The following NOD2 variants were observed in gnomAD, a reference collection of about 807,000 sequenced individuals.
NOD2 encodes nucleotide-binding oligomerization domain-containing protein 2.
NOD2 carries 86 observed loss-of-function variants against 90.9 expected under a neutral mutation model. The ratio of observed to expected loss-of-function variants is 0.95; its 90% CI spans 0.79 to 1.13. NOD2 has a LOEUF of 1.13. Ranked by LOEUF, NOD2 falls within the 50% of genes most tolerant of loss-of-function variation. The probability of loss-of-function intolerance (pLI) is 0.00; values close to 1 mark genes in which losing one functional copy is unlikely to be tolerated. For synonymous variants in NOD2, 581 were observed against 554.6 expected (o/e 1.05, Z -0.67); for missense variants, 1,238 against 1,283.8 (o/e 0.96, Z 0.55).
At position 50,731,776 on chromosome 16, in the gene NOD2, AGGT is replaced by A. The variant is rs1965464284; in HGVS notation, c.3000_3002del (p.Glu1000_Val1001delinsAsp). 1.9e-6 allele frequency: 3 copies of A among 1,613,724 alleles called. No individual in the cohort carries two copies. ...CGAGGGAACACTTTCTCTCTAGAGG[AGGT>A]TGACAAGCTCGGCTGCAGGGACACC... On this transcript the variant is annotated inframe_deletion, in exon 12 of 12. Coordinates refer to ENST00000647318, the MANE Select transcript of NOD2 (RefSeq NM_001370466.1).
At chr16:50,695,908 C>T (rs1963625023) in intron 1 of NOD2, among the ~76,000 whole-genome samples, 1 of 152,090 alleles carries the variant, frequency 6.6e-6, no homozygotes, top group Non-Finnish European at 1.5e-5. Context: ...AGGCAACAGA[C>T]AAGGGGGCCT....
rs749605438 is a variant in NOD2, at chr16:50,699,912, A to T, written c.417A>T (p.Glu139Asp). 112 of 1,611,180 alleles carry T rather than the reference A, an allele frequency of 7.0e-5. No homozygotes were observed. The highest frequency in any genetic ancestry group is 1.0e-4 in the Admixed American group (6 of 59,996). The change falls in exon 2 of 12, where the codon GAA becomes GAT. Residue 139 changes from glutamate (E) to aspartate (D), a missense_variant. By Grantham distance (45) the Glu-to-Asp change is conservative (BLOSUM62 2). Transcript: ENST00000647318. The stretch of plus-strand genomic sequence containing the variant: ...AGCGGGGTTTCGTCAGCCAGTATGA[A>T]TGTGATGAAATCAGGTTGCCGATCT... ...AWERGFVSQY[E>D]CDEIRLPIFT...
chr16:50,709,444 C>T (rs905913619), intron 3 of NOD2, among the ~76,000 whole-genome samples: 4 of 152,194 alleles, frequency 2.6e-5, no homozygotes, highest in African/African-American at 9.7e-5. Context: ...TCCCCATTTC[C>T]TGAAAGGGGA....
chr16:50,725,684 G>A (rs922773737), intron 10 of NOD2, 112 bp downstream of exon 10: 8 of 822,538 alleles, frequency 9.7e-6, no homozygotes, highest in African/African-American at 8.4e-5. Context: ...GAGGTGGCCT[G>A]GTAGAACAGC....
At chr16:50,710,043 C>T (rs1381884895) in intron 3 of NOD2, 3 of 455,844 alleles carry the variant, frequency 6.6e-6, no homozygotes, top group African/African-American at 2.0e-5. Context: ...AGACTGGGCT[C>T]CTGAGCCCTT....
At chr16:50,699,391 C>T (rs1963816217) in intron 1 of NOD2, 97 bp from the exon 2 acceptor site, 2 of 980,822 alleles carry the variant, frequency 2.0e-6, no homozygotes, top group Non-Finnish European at 3.3e-6. Flanking sequence ...CCATGGCCAA[C>T]TCGGGTTCTG....
chr16:50,717,454 G>T (rs1341560999), intron 6 of NOD2, among the ~76,000 whole-genome samples: 1 of 152,154 alleles, frequency 6.6e-6, no homozygotes, highest in Non-Finnish European at 1.5e-5. Context: ...AGTTTCAACA[G>T]GAGTCTCTCT....
chr16:50,709,022 G>A (rs980053747), intron 3 of NOD2, among the ~76,000 whole-genome samples: 1 of 152,124 alleles, frequency 6.6e-6, no homozygotes, highest in African/African-American at 2.4e-5. Flanking sequence ...GGTGACAATT[G>A]GTGTGTTTAT....
At chr16:50,709,428 A>G (rs560501293) in intron 3 of NOD2, among the ~76,000 whole-genome samples, 5 of 152,308 alleles carry the variant, frequency 3.3e-5, no homozygotes, top group African/African-American at 1.2e-4. Flanking sequence ...ACGCTAAACC[A>G]GCACTTCCCC....
chr16:50,716,465 G>A, intron 4 of NOD2, 122 bp from the exon 5 acceptor site: 2 of 970,874 alleles, frequency 2.1e-6, no homozygotes, highest in South Asian at 1.4e-5. Context: ...ATCTATGCAG[G>A]GTTTCCTGGA....
In NOD2 at chr16:50,712,057, C is replaced by G; in HGVS notation, c.2065C>G (p.Arg689Gly). The G allele has an allele frequency of 6.2e-7, 1 of 1,613,388 alleles. No individual in the cohort carries two copies. The highest frequency in any genetic ancestry group is 8.5e-7 in the Non-Finnish European group (1 of 1,179,914). ...CARWCLARSLRKHFHSIPPAA... is the reference protein window; with the variant it reads ...CARWCLARSLGKHFHSIPPAA... ...CCGCTGGTGTCTGGCCCGCAGCCTC[C>G]GCAAGCACTTCCACTCCATCCCGCC... The change falls in exon 4 of 12, where the codon CGC becomes GGC. Residue 689 changes from arginine to glycine, a missense_variant. Arg to Gly is a moderately radical substitution (Grantham distance 125). Transcript: ENST00000647318.
chr16:50,709,082 G>A lies in NOD2; in HGVS notation c.565+1122G>A, dbSNP rs143451061. Among the ~76,000 whole-genome samples the A allele has an allele frequency of 2.1e-4, 32 of 152,196 alleles. No individual in the cohort carries two copies. The East Asian group carries it at 5.8e-3, about 28-fold the overall frequency. ...TTTCTGGAGAATTTTAGTATCATTG[G>A]TGATGACTGGAAAACCTGCATCAGA... On this transcript the variant is annotated intron_variant, in intron 3 of 11. Coordinates refer to ENST00000647318, the MANE Select transcript of NOD2 (RefSeq NM_001370466.1).
rs1964424344 is a variant in NOD2, at chr16:50,710,682, G to A, written c.690G>A (p.Leu230=). ...CLEDIYTENV[L]EVWADVGMAG... ...AGGACATATACACAGAGAATGTCCT[G>A]GAGGTCTGGGCAGATGTGGGCATGG... is the stretch of plus-strand genomic sequence containing the variant. Residue 230 remains leucine (L), a synonymous_variant, in exon 4 of 12, where the codon CTG becomes CTA. Coordinates refer to ENST00000647318, the MANE Select transcript of NOD2 (RefSeq NM_001370466.1). 1.9e-6 allele frequency: 3 copies of A among 1,614,008 alleles called. No individual in the cohort carries two copies. The African/African-American group carries it at 4.0e-5, about 22-fold the overall frequency.
In NOD2 at chr16:50,700,013, G is replaced by A. The variant is rs16948755; in HGVS notation, c.459+59G>A. 2.2e-4 allele frequency: 321 copies of A among 1,489,214 alleles called. 2 individuals are homozygous for A. In the African/African-American group the frequency reaches 4.0e-3, roughly 19 times the overall value. The allele number at this position is 1,489,214 out of a possible 1,614,324, so 92.3% of individuals were successfully genotyped here. A position where few individuals can be genotyped will look rare whatever the true frequency, so the allele number is the denominator to read the frequency against. On this transcript the variant is annotated intron_variant, in intron 2 of 11. Transcript: ENST00000647318. ...CAGGAAAGGGGTGCTTAGTCACCAA[G>A]ACTGATTTGTCCTCATGAAGTCAGC...
At chr16:50,728,253 A>G in intron 10 of NOD2, 1 of 277,142 alleles carries the variant, frequency 3.6e-6, no homozygotes, top group Non-Finnish European at 7.1e-6. Flanking sequence ...ATGGCCTGCC[A>G]GTACACTCCT....
rs774177078 is a variant in NOD2 at position 50,722,594 on chromosome 16, T to C, written c.2634-28T>C. 22 of 1,605,060 alleles carry C rather than the reference T, an allele frequency of 1.4e-5. No individual in the cohort carries two copies. In the South Asian group the frequency reaches 1.8e-4, roughly 13 times the overall value. ...ACACATATCAGGTACTCACTGACAC[T>C]GTCTGTTGACTCTTTTGGCCTTTTC... On this transcript the variant is annotated intron_variant, in intron 7 of 11. Transcript: ENST00000647318.
rs374916056 is a variant in NOD2, at chr16:50,711,565, A to G, written c.1573A>G (p.Arg525Gly). Residue 525 changes from arginine to glycine, a missense_variant, in exon 4 of 12, where the codon AGA (arginine) becomes GGA (glycine). Arg to Gly is a moderately radical substitution (Grantham distance 125). This residue lies in a region of NOD2 where 667 missense variants were observed against 688.7 expected (regional missense o/e 0.97). Coordinates refer to ENST00000647318, the MANE Select transcript of NOD2 (RefSeq NM_001370466.1). The stretch of plus-strand genomic sequence containing the variant: ...CCTCCCCACCCTCCTGCACCTGGGC[A>G]GACTGGCTCTGTGGGGCCTGGGCAT... Reference protein sequence around the residue: ...GRLPTLLHLGRLALWGLGMCC... With the variant: ...GRLPTLLHLGGLALWGLGMCC... 1.9e-6 allele frequency: 3 copies of G among 1,612,380 alleles called. No individual in the cohort carries two copies. The highest frequency in any genetic ancestry group is 2.5e-6 in the Non-Finnish European group (3 of 1,180,006).
intron 4 of NOD2, chr16:50,712,885 A>G (rs970593373): frequency 5.6e-6 from 1 of 177,594 alleles, no homozygotes; most frequent in African/African-American, 2.4e-5. Context: ...CTTGTGCCCC[A>G]TCAGAGACTT....
At position 50,697,111 on chromosome 16, in the gene NOD2, T is replaced by C. The variant is rs5743264; in HGVS notation, c.-8-2377T>C. Reference sequence around the variant, plus strand: ...CCAACTCTGGCCTCCGGCTTTTCCTTTGGGAATTTCCCTTGAAGGTGGGGT... The same window carrying C: ...CCAACTCTGGCCTCCGGCTTTTCCTCTGGGAATTTCCCTTGAAGGTGGGGT... On this transcript the variant is annotated intron_variant, in intron 1 of 11. Coordinates refer to ENST00000647318, the MANE Select transcript of NOD2 (RefSeq NM_001370466.1). 3,103 of 842,300 alleles carry C rather than the reference T, an allele frequency of 3.7e-3. 58 individuals are homozygous for C. In the African/African-American group the frequency reaches 0.044, roughly 12 times the overall value. 52.2% of individuals were successfully genotyped at this position (842,300 alleles called of 1,614,324 possible).
Sources: allele counts gnomAD v4.1 joint callset (sites outside exome capture counted in the v4.1 genomes callset), GRCh38; gene constraint gnomAD v4.1.1; regional missense constraint gnomAD v4.1.1; transcripts MANE v1.5; gene names NCBI Gene and HGNC (gene_info 2026-07-23, HGNC 2026-07-21).